Variants in DNAJB6 observed in about 807,000 individuals in gnomAD.
The protein encoded by DNAJB6 is DnaJ heat shock protein family (Hsp40) member B6.
A neutral mutation model predicts 42.7 loss-of-function variants in DNAJB6; 16 were observed. That is an observed-to-expected ratio of 0.37 (90% CI 0.25 to 0.57). The LOEUF is 0.57. DNAJB6 is among the 20% of genes least tolerant of loss of function. DNAJB6 has a pLI of 0.74. For synonymous variants in DNAJB6, 170 were observed against 163.5 expected (o/e 1.04, Z -0.30); for missense variants, 347 against 416.8 (o/e 0.83, Z 1.46).
chr7:157,350,611 A>G (rs1798919597), intron 1 of DNAJB6, among the ~76,000 whole-genome samples: 1 of 152,182 alleles, frequency 6.6e-6, no homozygotes, highest in Non-Finnish European at 1.5e-5. Context: ...ACTTGGTGAT[A>G]TAAAGGTCCT....
intron 8 of DNAJB6, among the ~76,000 whole-genome samples, chr7:157,393,161 A>G (rs1010249715): frequency 6.6e-6 from 1 of 152,026 alleles, no homozygotes; most frequent in African/African-American, 2.4e-5. Context: ...TTTTTAGTAG[A>G]GACGGAGTTT....
At chr7:157,360,759 T>C (rs1312160431) in intron 2 of DNAJB6, among the ~76,000 whole-genome samples, 1 of 152,188 alleles carries the variant, frequency 6.6e-6, no homozygotes, top group Non-Finnish European at 1.5e-5. Context: ...GATTGAAGAC[T>C]TAAAGGTCTG....
Position 157,369,507 on chromosome 7 carries a change from C to T in DNAJB6, c.346+2024C>T, listed in dbSNP as rs749530399. On this transcript the variant is annotated intron_variant, in intron 5 of 9. Transcript: ENST00000262177. ...CGGGCTGTCCTCGTGATGTCTGAGA[C>T]CGGGCGTCTTCAACAGGCCCTGCTT... The T allele has an allele frequency of 1.6e-5, 7 of 428,984 alleles. No individual in the cohort carries two copies. The East Asian group carries it at 2.9e-4, about 18-fold the overall frequency. The allele number at this position is 428,984 out of a possible 1,614,324, so 26.6% of individuals were successfully genotyped here.
At chr7:157,338,788 T>G (rs1798186463) in intron 1 of DNAJB6, among the ~76,000 whole-genome samples, 1 of 152,218 alleles carries the variant, frequency 6.6e-6, no homozygotes, top group African/African-American at 2.4e-5. Flanking sequence ...CTGTGAAATT[T>G]GGGAAGTAAG....
intron 1 of DNAJB6, among the ~76,000 whole-genome samples, chr7:157,356,092 CTA>C (rs1175162473): frequency 6.6e-6 from 1 of 152,286 alleles, no homozygotes; most frequent in South Asian, 2.1e-4. Flanking sequence ...TGGCCTCTTG[CTA>C]TATATAGTGC....
At chr7:157,343,292 T>C (rs1798513139) in intron 1 of DNAJB6, among the ~76,000 whole-genome samples, 1 of 151,926 alleles carries the variant, frequency 6.6e-6, no homozygotes, top group African/African-American at 2.4e-5. Context: ...GCCGAGTAGC[T>C]GGGACTACAG....
chr7:157,414,173 C>T (rs2116686856), intron 9 of DNAJB6: 1 of 152,450 alleles, frequency 6.6e-6, no homozygotes, highest in African/African-American at 2.4e-5. Context: ...CCAGTGGCAG[C>T]AGTTGCTTTA....
At chr7:157,364,362 T>A (rs1016564143) in intron 3 of DNAJB6, among the ~76,000 whole-genome samples, 1 of 152,272 alleles carries the variant, frequency 6.6e-6, no homozygotes, top group East Asian at 1.9e-4. Context: ...TCAAAAAATA[T>A]GAAAAGACAT....
intron 1 of DNAJB6, among the ~76,000 whole-genome samples, chr7:157,348,330 G>A (rs879475956): frequency 2.0e-5 from 3 of 152,270 alleles, no homozygotes; most frequent in Non-Finnish European, 1.5e-5. Flanking sequence ...CTGACCTCAA[G>A]TGATCCACCC....
At chr7:157,395,257 G>T (rs1172599821) in intron 8 of DNAJB6, among the ~76,000 whole-genome samples, 1 of 151,978 alleles carries the variant, frequency 6.6e-6, no homozygotes, top group African/African-American at 2.4e-5. Context: ...GGCACATCTG[G>T]CCACTTAATG....
At chr7:157,371,320 C>T (rs913700190) in intron 5 of DNAJB6, among the ~76,000 whole-genome samples, 34 of 152,230 alleles carry the variant, frequency 2.2e-4, no homozygotes, top group African/African-American at 7.5e-4. Flanking sequence ...AAGATATTTC[C>T]GAGCTGCACT....
intron 8 of DNAJB6, among the ~76,000 whole-genome samples, chr7:157,404,744 G>A (rs937174468): frequency 1.3e-5 from 2 of 152,070 alleles, no homozygotes; most frequent in Non-Finnish European, 2.9e-5. Context: ...GACCTCAAGT[G>A]ATCCGCCTGC....
chr7:157,368,090 G>C (rs1413070639), intron 5 of DNAJB6, among the ~76,000 whole-genome samples: 1 of 152,110 alleles, frequency 6.6e-6, no homozygotes, highest in African/African-American at 2.4e-5. Context: ...CTCCAGCTTG[G>C]GTGACAGAGC....
intron 5 of DNAJB6, among the ~76,000 whole-genome samples, chr7:157,374,414 C>T (rs568013388): frequency 1.3e-5 from 2 of 152,196 alleles, no homozygotes; most frequent in Admixed American, 6.5e-5. Flanking sequence ...CATGTGCCAC[C>T]GCGCCCGGCT....
chr7:157,389,955 G>T (rs560635491), intron 8 of DNAJB6, among the ~76,000 whole-genome samples: 4 of 152,336 alleles, frequency 2.6e-5, no homozygotes, highest in African/African-American at 9.6e-5. Flanking sequence ...CCCTGACTGC[G>T]CTTTGCCCTT....
chr7:157,407,057 G>C (rs1002020482), intron 8 of DNAJB6, among the ~76,000 whole-genome samples: 1 of 152,246 alleles, frequency 6.6e-6, no homozygotes, highest in Non-Finnish European at 1.5e-5. Flanking sequence ...CCAGGGGCGC[G>C]TTTTCACCTG....
intron 5 of DNAJB6, among the ~76,000 whole-genome samples, chr7:157,371,276 C>A (rs898078638): frequency 1.3e-5 from 2 of 152,210 alleles, no homozygotes; most frequent in Non-Finnish European, 2.9e-5. Context: ...GGTGTACTTT[C>A]CACGTGACGA....
intron 8 of DNAJB6, among the ~76,000 whole-genome samples, chr7:157,395,316 G>GT (rs1230492647): frequency 2.6e-5 from 4 of 152,278 alleles, no homozygotes; most frequent in African/African-American, 9.6e-5. Flanking sequence ...TGAATTCATC[G>GT]TTTCATCTGT....
chr7:157,376,473 A>C (rs1800478084), intron 5 of DNAJB6, among the ~76,000 whole-genome samples: 1 of 152,224 alleles, frequency 6.6e-6, no homozygotes, highest in East Asian at 1.9e-4. Flanking sequence ...AAACTGTAAA[A>C]TATTTGAAGA....
Sources: gnomAD v4.1 joint callset for allele counts (sites outside exome capture counted in the v4.1 genomes callset) on GRCh38, gnomAD v4.1.1 for gene constraint, MANE v1.5 for transcripts, NCBI Gene and HGNC (gene_info 2026-07-23, HGNC 2026-07-21) for gene names.